The following NDST3 variants were observed in gnomAD, a reference collection of about 807,000 sequenced individuals.
NDST3 encodes the protein N-deacetylase and N-sulfotransferase 3, also known as bifunctional heparan sulfate N-deacetylase/N-sulfotransferase 3.
A neutral mutation model predicts 96.1 loss-of-function variants in NDST3; 58 were observed. The ratio of observed to expected loss-of-function variants is 0.60; its 90% CI spans 0.49 to 0.75. The LOEUF (loss-of-function observed/expected upper bound fraction) is 0.75. Among genes scored for constraint, NDST3 ranks in the 30% least tolerant of loss-of-function variants. The probability of loss-of-function intolerance (pLI) is 0.00; values close to 1 mark genes in which losing one functional copy is unlikely to be tolerated. For missense variants in NDST3, 788 were observed against 1,034.2 expected, an observed-to-expected ratio of 0.76 and a Z score of 3.27; for synonymous variants, 333 against 359.7, an observed-to-expected ratio of 0.93 and a Z score of 0.84.
At chr4:118,211,650 C>G (rs1405513502) in intron 6 of NDST3, among the ~76,000 whole-genome samples, 1 of 152,176 alleles carries the variant, frequency 6.6e-6, no homozygotes, top group African/African-American at 2.4e-5. Flanking sequence ...CAGGGGTTGG[C>G]TCTGGCACTT....
intron 2 of NDST3, among the ~76,000 whole-genome samples, chr4:118,066,216 A>G (rs1482106662): frequency 1.5e-5 from 1 of 66,736 alleles, no homozygotes; most frequent in Non-Finnish European, 2.6e-5. Context: ...TATATTATAC[A>G]TAATATATTA....
intron 1 of NDST3, among the ~76,000 whole-genome samples, chr4:118,043,110 C>A (rs1386904774): frequency 6.6e-6 from 1 of 152,132 alleles, no homozygotes; most frequent in Non-Finnish European, 1.5e-5. Flanking sequence ...AATACCTGAT[C>A]ACTAATTGCA....
At position 118,258,311 on chromosome 4, in the gene NDST3, T is replaced by C. The variant is rs1742233944; in HGVS notation, c.*2599T>C. The C allele has an allele frequency of 6.6e-6, 1 of 152,216 alleles. No individual in the cohort carries two copies. Among genetic ancestry groups the C allele is most frequent in the Non-Finnish European group, 1.5e-5 (1 of 68,026 alleles). 9.4% of individuals were successfully genotyped at this position (152,216 alleles called of 1,614,324 possible). ...ATCAAATTCTAGAGGACATGCATAC[T>C]TTCCACATTATATACTCCAACTGGT... On this transcript the variant is annotated 3_prime_UTR_variant, in exon 14 of 14. Coordinates refer to ENST00000296499, the MANE Select transcript of NDST3 (RefSeq NM_004784.3).
At chr4:118,045,879 T>C (rs1724735078) in intron 1 of NDST3, among the ~76,000 whole-genome samples, 1 of 152,032 alleles carries the variant, frequency 6.6e-6, no homozygotes. Context: ...TTTTTTTATG[T>C]TCCATTATAA....
chr4:118,249,951 C>T (rs1741575668), intron 12 of NDST3, among the ~76,000 whole-genome samples: 1 of 152,198 alleles, frequency 6.6e-6, no homozygotes, highest in Non-Finnish European at 1.5e-5. Flanking sequence ...TTTCTACTCA[C>T]CTTGACCCCT....
intron 6 of NDST3, among the ~76,000 whole-genome samples, chr4:118,198,943 T>C (rs992271752): frequency 6.6e-6 from 1 of 152,132 alleles, no homozygotes; most frequent in Non-Finnish European, 1.5e-5. Flanking sequence ...TGGAGCTCCA[T>C]TATTTGTTTC....
intron 2 of NDST3, among the ~76,000 whole-genome samples, chr4:118,058,039 A>G (rs1399753480): frequency 6.6e-6 from 1 of 152,066 alleles, no homozygotes; most frequent in Admixed American, 6.6e-5. Flanking sequence ...GATTAAGAGT[A>G]TATAATTAGT....
chr4:118,110,402 G>A (rs573040547), intron 3 of NDST3, among the ~76,000 whole-genome samples: 1 of 152,258 alleles, frequency 6.6e-6, no homozygotes, highest in South Asian at 2.1e-4. Flanking sequence ...AAACCTCTCA[G>A]TGAGATGGAA....
chr4:118,061,151 A>G (rs550034874), intron 2 of NDST3, among the ~76,000 whole-genome samples: 17 of 151,986 alleles, frequency 1.1e-4, no homozygotes, highest in Non-Finnish European at 2.2e-4. Flanking sequence ...CCCTCACGCT[A>G]CTGCAGCCTC....
intron 6 of NDST3, among the ~76,000 whole-genome samples, chr4:118,201,901 G>A (rs1738113801): frequency 6.6e-6 from 1 of 152,108 alleles, no homozygotes; most frequent in Admixed American, 6.5e-5. Flanking sequence ...TTGTCTTCCA[G>A]GATCTTTACA....
intron 1 of NDST3, among the ~76,000 whole-genome samples, chr4:118,036,356 T>A (rs1237345198): frequency 6.6e-6 from 1 of 152,196 alleles, no homozygotes. Flanking sequence ...ATATACACTA[T>A]AAAATCAGGG....
intron 11 of NDST3, among the ~76,000 whole-genome samples, chr4:118,241,291 C>A (rs1299849645): frequency 6.7e-6 from 1 of 150,212 alleles, no homozygotes; most frequent in Non-Finnish European, 1.5e-5. Context: ...GTTCCTTTAG[C>A]CACATTTTAA....
intron 6 of NDST3, among the ~76,000 whole-genome samples, chr4:118,205,074 T>C (rs916240611): frequency 1.4e-5 from 2 of 144,670 alleles, no homozygotes; most frequent in South Asian, 4.6e-4. Context: ...TTTCTTTTCA[T>C]TTTAATAATA....
chr4:118,065,976 T>G (rs543723893), intron 2 of NDST3, among the ~76,000 whole-genome samples: 1 of 145,502 alleles, frequency 6.9e-6, no homozygotes, highest in East Asian at 2.0e-4. Context: ...CGTGTAGAAA[T>G]TAGACCAACT....
chr4:118,119,631 G>A (rs1299566328), intron 4 of NDST3, among the ~76,000 whole-genome samples: 1 of 152,180 alleles, frequency 6.6e-6, no homozygotes, highest in African/African-American at 2.4e-5. Flanking sequence ...AAAATGAATA[G>A]CTGAAGGAAA....
chr4:118,047,160 A>G (rs1013124544), intron 1 of NDST3, among the ~76,000 whole-genome samples: 2 of 152,242 alleles, frequency 1.3e-5, no homozygotes, highest in Admixed American at 6.5e-5. Flanking sequence ...TTTTGCTACT[A>G]TACACCCCTG....
intron 2 of NDST3, among the ~76,000 whole-genome samples, chr4:118,059,691 C>T (rs1277529957): frequency 6.6e-6 from 1 of 152,014 alleles, no homozygotes; most frequent in East Asian, 1.9e-4. Context: ...TAAAAAATAA[C>T]AACATACCAA....
chr4:118,150,211 A>C (rs1734289947), intron 6 of NDST3, among the ~76,000 whole-genome samples: 1 of 152,160 alleles, frequency 6.6e-6, no homozygotes, highest in East Asian at 1.9e-4. Flanking sequence ...ATTGGTCTAA[A>C]ATTCTCTTTT....
intron 6 of NDST3, among the ~76,000 whole-genome samples, chr4:118,198,376 T>C (rs1347227571): frequency 6.6e-6 from 1 of 152,208 alleles, no homozygotes; most frequent in East Asian, 1.9e-4. Context: ...AATACTACGT[T>C]ATAACCCATT....
Sources: gnomAD v4.1 joint callset for allele counts (sites outside exome capture counted in the v4.1 genomes callset) on GRCh38, gnomAD v4.1.1 for gene constraint, MANE v1.5 for transcripts, NCBI Gene and HGNC (gene_info 2026-07-23, HGNC 2026-07-21) for gene names.